The following RNMT variants were observed in gnomAD, a reference collection of about 807,000 sequenced individuals.
RNMT encodes the protein RNA guanine-7 methyltransferase, also known as mRNA cap guanine-N(7) methyltransferase.
RNMT carries 27 observed loss-of-function variants against 56.0 expected under a neutral mutation model. The ratio of observed to expected loss-of-function variants is 0.48; its 90% CI spans 0.36 to 0.67. RNMT has a LOEUF of 0.67. Among genes scored for constraint, RNMT ranks in the 30% least tolerant of loss-of-function variants. The probability of loss-of-function intolerance (pLI) is 0.00; values close to 1 mark genes in which losing one functional copy is unlikely to be tolerated. For synonymous variants in RNMT, 184 were observed against 176.2 expected, an observed-to-expected ratio of 1.04 and a Z score of -0.35; for missense variants, 519 against 552.1, an observed-to-expected ratio of 0.94 and a Z score of 0.60.
At chr18:13,737,182 A>G (rs1222608717) in intron 5 of RNMT, 47 bp downstream of exon 5, 1 of 1,491,350 alleles carries the variant, frequency 6.7e-7, no homozygotes, top group Non-Finnish European at 9.2e-7. Flanking sequence ...AGTCAGATAA[A>G]TGGAAAATAA....
intron 6 of RNMT, among the ~76,000 whole-genome samples, chr18:13,740,687 T>A (rs2149091415): frequency 6.6e-6 from 1 of 152,378 alleles, no homozygotes; most frequent in Non-Finnish European, 1.5e-5. Context: ...TTTTTTAAAA[T>A]GTGTTTTGAA....
chr18:13,726,885 TC>T (rs1420713147), intron 1 of RNMT, 156 bp downstream of exon 1: 2 of 152,236 alleles, frequency 1.3e-5, no homozygotes, highest in Non-Finnish European at 2.9e-5. Context: ...TTGCCTTGTG[TC>T]CTCAGTCCCA....
chr18:13,754,381 G>A (rs936977055), intron 11 of RNMT, among the ~76,000 whole-genome samples: 1 of 152,086 alleles, frequency 6.6e-6, no homozygotes, highest in African/African-American at 2.4e-5. Context: ...GGTGGCATGT[G>A]CCTGTAGTCC....
chr18:13,746,178 A>T, intron 8 of RNMT, 42 bp from the exon 9 acceptor site: 1 of 1,036,008 alleles, frequency 9.7e-7, no homozygotes, highest in African/African-American at 1.6e-5. Context: ...AGGAATTACA[A>T]ACATGTGGAA....
intron 7 of RNMT, 46 bp from the exon 8 acceptor site, chr18:13,742,442 T>C (rs2044266541): frequency 6.3e-7 from 1 of 1,575,200 alleles, no homozygotes; most frequent in South Asian, 1.1e-5. Context: ...TCTACACTAA[T>C]CACAATTTTA....
In RNMT at chr18:13,731,509, T is replaced by C. The variant is rs202020906; in HGVS notation, c.-9T>C. The C allele has an allele frequency of 5.4e-5, 85 of 1,575,114 alleles. No homozygotes were observed. The highest frequency in any genetic ancestry group is 1.3e-4 in the East Asian group (6 of 44,558). On this transcript the variant is annotated 5_prime_UTR_variant, in exon 3 of 12. An upstream open reading frame in the 5' UTR loses its in-frame stop. Coordinates refer to ENST00000383314, the MANE Select transcript of RNMT (RefSeq NM_003799.3). ...CATGAAGTTTTACCATCAATTCAAG[T>C]AATCATAAATGGCAAATTCTGCAAA...
chr18:13,728,078 T>C (rs906680562), intron 1 of RNMT, among the ~76,000 whole-genome samples: 7 of 152,188 alleles, frequency 4.6e-5, no homozygotes, highest in African/African-American at 1.7e-4. Context: ...TTCCCTTCTT[T>C]TGGATCTGTA....
At chr18:13,753,816 TACACACACAC>T (rs3138630) in intron 10 of RNMT, among the ~76,000 whole-genome samples, 1 of 144,410 alleles carries the variant, frequency 6.9e-6, no homozygotes, top group Non-Finnish European at 1.5e-5. Context: ...ATTTTCCAGT[TACACACACAC>T]ACACACACAC....
At chr18:13,755,308 TGTA>T (rs1377066674) in intron 11 of RNMT, among the ~76,000 whole-genome samples, 2 of 152,220 alleles carry the variant, frequency 1.3e-5, no homozygotes, top group African/African-American at 2.4e-5. Context: ...ACATCTGGGA[TGTA>T]GTAATATTGA....
chr18:13,757,418 A>T (rs1241296768), intron 11 of RNMT, among the ~76,000 whole-genome samples: 1 of 152,164 alleles, frequency 6.6e-6, no homozygotes, highest in African/African-American at 2.4e-5. Context: ...CTGAAACCCT[A>T]CTGGTCTTTA....
intron 11 of RNMT, among the ~76,000 whole-genome samples, chr18:13,758,131 C>T (rs2044573132): frequency 1.3e-5 from 2 of 152,188 alleles, no homozygotes. Context: ...GGCTTTGTTC[C>T]ATTTATAGAG....
At chr18:13,752,758 A>C (rs1430564035) in intron 10 of RNMT, among the ~76,000 whole-genome samples, 3 of 152,256 alleles carry the variant, frequency 2.0e-5, no homozygotes, top group Non-Finnish European at 4.4e-5. Flanking sequence ...AAATGGGAAA[A>C]AATTACATCT....
At chr18:13,730,559 C>T (rs1315684356) in intron 1 of RNMT, 68 bp from the exon 2 acceptor site, 1 of 152,164 alleles carries the variant, frequency 6.6e-6, no homozygotes, top group African/African-American at 2.4e-5. Flanking sequence ...AAAATTAACA[C>T]ACATAAATTG....
chr18:13,746,143 G>A (rs1208028656), intron 8 of RNMT, 77 bp from the exon 9 acceptor site: 5 of 738,760 alleles, frequency 6.8e-6, no homozygotes, highest in Non-Finnish European at 1.2e-5. Flanking sequence ...TCCAGAAGAT[G>A]TCATTGCTGT....
chr18:13,733,358 C>T (rs764903918), intron 3 of RNMT, among the ~76,000 whole-genome samples: 2 of 152,084 alleles, frequency 1.3e-5, no homozygotes, highest in South Asian at 2.1e-4. Flanking sequence ...AAATCACTAA[C>T]GCTGCACATA....
rs1000296261 is a variant in RNMT, at chr18:13,761,476, A to G, written c.*1497A>G. 6 of 986,052 alleles carry G rather than the reference A, an allele frequency of 6.1e-6. No homozygotes were observed. The highest frequency in any genetic ancestry group is 7.2e-6 in the Non-Finnish European group (6 of 830,416). 61.1% of individuals were successfully genotyped at this position (986,052 alleles called of 1,614,324 possible). A position where few individuals can be genotyped will look rare whatever the true frequency, so the allele number is the denominator to read the frequency against. On this transcript the variant is annotated 3_prime_UTR_variant, in exon 12 of 12. Transcript: ENST00000383314. ...TTGTAGGTACAGGAAAAACATCATC[A>G]TTATTTCCTCTGTTCACATTTACTG...
rs575892601 is a variant in RNMT at position 13,757,879 on chromosome 18, A to G, written c.1394-2063A>G. On this transcript the variant is annotated intron_variant, in intron 11 of 11. Transcript: ENST00000383314. The stretch of plus-strand genomic sequence containing the variant: ...GCCTTACAAAATGTATTTCTTAAAT[A>G]ATAAGACTTAAAAATGAAAAGTACC... Among the ~76,000 whole-genome samples, 3 of 152,364 alleles carry G rather than the reference A, an allele frequency of 2.0e-5. No homozygotes were observed. In the South Asian group the frequency reaches 6.2e-4, roughly 32 times the overall value.
In RNMT at chr18:13,760,535, G is replaced by A. The variant is rs565711641; in HGVS notation, c.*556G>A. The stretch of plus-strand genomic sequence containing the variant: ...TTAGCTAAAATTTTAGCAATTTATT[G>A]CATTTTGAAATAATCATTAACATGC... On this transcript the variant is annotated 3_prime_UTR_variant, in exon 12 of 12. Coordinates refer to ENST00000383314, the MANE Select transcript of RNMT (RefSeq NM_003799.3). 3 of 985,674 alleles carry A rather than the reference G, an allele frequency of 3.0e-6. No individual in the cohort carries two copies. Among genetic ancestry groups the A allele is most frequent in the South Asian group, 9.4e-5 (2 of 21,280 alleles). The allele number at this position is 985,674 out of a possible 1,614,324, so 61.1% of individuals were successfully genotyped here.
In RNMT at chr18:13,763,965, G is replaced by C. The variant is rs535256665; in HGVS notation, c.*3986G>C. On this transcript the variant is annotated 3_prime_UTR_variant, in exon 12 of 12. Transcript: ENST00000383314. Reference sequence around the variant, plus strand: ...GGTTAGAGAGAGCAAGACAGCACTTGAGTGCACTGGCAGGAAGCAGAGATA... The same window carrying C: ...GGTTAGAGAGAGCAAGACAGCACTTCAGTGCACTGGCAGGAAGCAGAGATA... 6.6e-6 allele frequency: 1 copy of C among 152,418 alleles called. No homozygotes were observed. The highest frequency in any genetic ancestry group is 6.5e-5 in the Admixed American group (1 of 15,308). The allele number at this position is 152,418 out of a possible 1,614,324, so 9.4% of individuals were successfully genotyped here. A position where few individuals can be genotyped will look rare whatever the true frequency, so the allele number is the denominator to read the frequency against.
Sources: gnomAD v4.1 joint callset for allele counts (sites outside exome capture counted in the v4.1 genomes callset) on GRCh38, gnomAD v4.1.1 for gene constraint, MANE v1.5 for transcripts, NCBI Gene and HGNC (gene_info 2026-07-23, HGNC 2026-07-21) for gene names.